The following PRKCA variants were observed in gnomAD, a reference collection of about 807,000 sequenced individuals.
PRKCA encodes the protein protein kinase C alpha type.
In PRKCA, 27 loss-of-function variants were observed where a neutral mutation model predicts 87.0. The observed-to-expected ratio is 0.31, with a 90% confidence interval of 0.23 to 0.43. The LOEUF is 0.43. PRKCA is among the 20% of genes least tolerant of loss of function. The pLI, the probability that PRKCA is intolerant of heterozygous loss-of-function variation, is 1.00. For synonymous variants in PRKCA, 329 were observed against 311.1 expected (o/e 1.06, Z -0.61); for missense variants, 518 against 852.3 (o/e 0.61, Z 4.88).
At chr17:66,315,485 T>C (rs1031362445) in intron 2 of PRKCA, among the ~76,000 whole-genome samples, 18 of 151,792 alleles carry the variant, frequency 1.2e-4, no homozygotes, top group Non-Finnish European at 2.4e-4. Context: ...TTTTTCTTTT[T>C]TTTTTTTTTT....
At chr17:66,622,946 G>A (rs1337022410) in intron 3 of PRKCA, among the ~76,000 whole-genome samples, 1 of 152,240 alleles carries the variant, frequency 6.6e-6, no homozygotes, top group Non-Finnish European at 1.5e-5. Flanking sequence ...TGAGATTTGG[G>A]TGGGGACACA....
At chr17:66,619,043 A>G (rs1043284939) in intron 3 of PRKCA, among the ~76,000 whole-genome samples, 2 of 152,166 alleles carry the variant, frequency 1.3e-5, no homozygotes, top group Non-Finnish European at 2.9e-5. Context: ...TCAAGAACTG[A>G]GAATGTAGGG....
At position 66,459,978 on chromosome 17, in the gene PRKCA, T is replaced by G. The variant is rs552444055; in HGVS notation, c.206-36223T>G. Among the ~76,000 whole-genome samples the G allele has an allele frequency of 5.3e-5, 8 of 152,356 alleles. No homozygotes were observed. The South Asian group carries it at 1.7e-3, about 32-fold the overall frequency. On this transcript the variant is annotated intron_variant, in intron 2 of 16. Coordinates refer to ENST00000413366, the MANE Select transcript of PRKCA (RefSeq NM_002737.3). ...GCAGTCTCGAAGGATGAATCATTCATGAAAGCAGTTTTCCATCCCGCTCAC... is the reference window on the plus strand; with the variant it reads ...GCAGTCTCGAAGGATGAATCATTCAGGAAAGCAGTTTTCCATCCCGCTCAC...
chr17:66,379,134 G>A (rs1909644480), intron 2 of PRKCA, among the ~76,000 whole-genome samples: 9 of 152,034 alleles, frequency 5.9e-5, no homozygotes, highest in Admixed American at 5.9e-4. Flanking sequence ...GAGTTTTTTT[G>A]TGGACGTGTG....
At position 66,711,044 on chromosome 17, in the gene PRKCA, AAAAT is replaced by A. The variant is rs771699887; in HGVS notation, c.919-21632_919-21629del. On this transcript the variant is annotated intron_variant, in intron 8 of 16. Coordinates refer to ENST00000413366, the MANE Select transcript of PRKCA (RefSeq NM_002737.3). ...GGTGACAGAGTAAGACTCCATCTCA[AAAAT>A]AAATAAATAAAATAAATAAATAAAT... Among the ~76,000 whole-genome samples the A allele has an allele frequency of 2.0e-3, 309 of 152,136 alleles. 1 individual carries two copies. The highest frequency in any genetic ancestry group is 3.9e-3 in the South Asian group (19 of 4,818).
At chr17:66,353,095 A>G (rs1367305361) in intron 2 of PRKCA, among the ~76,000 whole-genome samples, 1 of 151,176 alleles carries the variant, frequency 6.6e-6, no homozygotes, top group Admixed American at 6.6e-5. Flanking sequence ...TATGCCATGC[A>G]CTCCAGAGAT....
At chr17:66,718,504 A>G (rs1973532320) in intron 8 of PRKCA, among the ~76,000 whole-genome samples, 1 of 151,994 alleles carries the variant, frequency 6.6e-6, no homozygotes, top group South Asian at 2.1e-4. Flanking sequence ...TTTTGTAGAG[A>G]TGGGGGTCTC....
intron 13 of PRKCA, among the ~76,000 whole-genome samples, chr17:66,771,948 T>C (rs1371117999): frequency 6.6e-6 from 1 of 152,236 alleles, no homozygotes; most frequent in African/African-American, 2.4e-5. Context: ...TTAATGAGCA[T>C]GCATGGCTTC....
intron 2 of PRKCA, among the ~76,000 whole-genome samples, chr17:66,392,587 G>T (rs1448824528): frequency 6.6e-6 from 1 of 152,058 alleles, no homozygotes; most frequent in Non-Finnish European, 1.5e-5. Flanking sequence ...AATTTTGCTT[G>T]CATTTACTAG....
intron 2 of PRKCA, among the ~76,000 whole-genome samples, chr17:66,337,362 G>A (rs1906763700): frequency 1.3e-5 from 2 of 152,124 alleles, no homozygotes; most frequent in African/African-American, 4.8e-5. Flanking sequence ...AGGAAATCAA[G>A]TTTCTAAGAG....
chr17:66,504,261 G>T (rs916268572), intron 3 of PRKCA, among the ~76,000 whole-genome samples: 1 of 146,418 alleles, frequency 6.8e-6, no homozygotes, highest in Admixed American at 6.7e-5. Context: ...AATTGCAAGG[G>T]TAAACCAATT....
intron 13 of PRKCA, among the ~76,000 whole-genome samples, chr17:66,771,491 G>T (rs1414223845): frequency 6.6e-6 from 1 of 152,156 alleles, no homozygotes; most frequent in Non-Finnish European, 1.5e-5. Context: ...TAATGCATAT[G>T]TACACACATA....
At chr17:66,563,165 C>G (rs1223025017) in intron 3 of PRKCA, among the ~76,000 whole-genome samples, 1 of 152,146 alleles carries the variant, frequency 6.6e-6, no homozygotes, top group Non-Finnish European at 1.5e-5. Flanking sequence ...TGGTACATTT[C>G]TTACAACTGA....
intron 5 of PRKCA, among the ~76,000 whole-genome samples, chr17:66,647,805 T>C (rs1971495383): frequency 6.6e-6 from 1 of 152,176 alleles, no homozygotes; most frequent in Non-Finnish European, 1.5e-5. Context: ...ACTTTTTGCA[T>C]GTGAAAGCCA....
rs150813329 is a variant in PRKCA, at chr17:66,379,985, C to T, written c.205+73858C>T. On this transcript the variant is annotated intron_variant, in intron 2 of 16. Transcript: ENST00000413366. ...TTTTTCTAAAATGGACTGTGATACT[C>T]AGCTCTGTCCTGTCAATTACTAGTC... 6.2e-3 allele frequency among the ~76,000 whole-genome samples: 936 copies of T among 152,168 alleles called. 14 individuals are homozygous for T. The highest frequency in any genetic ancestry group is 0.022 in the African/African-American group (906 of 41,532).
At chr17:66,638,952 T>C (rs1971217601) in intron 3 of PRKCA, among the ~76,000 whole-genome samples, 1 of 152,212 alleles carries the variant, frequency 6.6e-6, no homozygotes, top group South Asian at 2.1e-4. Flanking sequence ...ACCTTTGGAA[T>C]TCCCCGAAAT....
intron 3 of PRKCA, among the ~76,000 whole-genome samples, chr17:66,578,385 A>G (rs117736363): frequency 6.6e-6 from 1 of 152,148 alleles, no homozygotes; most frequent in Admixed American, 6.5e-5. Flanking sequence ...TCCTTGGCGA[A>G]GGATAAAGTG....
intron 13 of PRKCA, among the ~76,000 whole-genome samples, chr17:66,745,977 A>G (rs1443893003): frequency 6.6e-6 from 1 of 152,152 alleles, no homozygotes; most frequent in Admixed American, 6.5e-5. Context: ...GAGGGATACA[A>G]AAAGACATCA....
At chr17:66,458,723 C>T (rs566427868) in intron 2 of PRKCA, among the ~76,000 whole-genome samples, 3 of 152,204 alleles carry the variant, frequency 2.0e-5, no homozygotes, top group Non-Finnish European at 2.9e-5. Context: ...TCAGGTGGTC[C>T]GCCCACCTCA....
Sources: allele counts gnomAD v4.1 joint callset (sites outside exome capture counted in the v4.1 genomes callset), GRCh38; gene constraint gnomAD v4.1.1; transcripts MANE v1.5; gene names NCBI Gene and HGNC (gene_info 2026-07-23, HGNC 2026-07-21).